Variants in NRG4 observed in about 807,000 individuals in gnomAD.
NRG4 encodes pro-neuregulin-4, membrane-bound isoform.
NRG4 carries 10 observed loss-of-function variants against 15.0 expected under a neutral mutation model. The observed-to-expected ratio is 0.67, with a 90% CI of 0.41 to 1.13. The LOEUF (loss-of-function observed/expected upper bound fraction) is 1.13, where lower values mean the gene tolerates loss of function less well. Ranked by LOEUF, NRG4 falls within the 50% of genes most tolerant of loss-of-function variation. NRG4 has a pLI of 0.00. For synonymous variants in NRG4, 41 were observed against 50.1 expected, an observed-to-expected ratio of 0.82 and a Z score of 0.77; for missense variants, 139 against 140.2, an observed-to-expected ratio of 0.99 and a Z score of 0.04.
chr15:75,941,956 A>AC lies in NRG4; in HGVS notation c.*1681_*1682insG, dbSNP rs1299644531. ...TTAAACCACCAAAAAAAAAAAAAAA[A>AC]AAAAATATGGCCTAGCTTTTTTTTT... On this transcript the variant is annotated 3_prime_UTR_variant, in exon 6 of 6. Transcript: ENST00000394907. 8 of 127,700 alleles carry AC rather than the reference A, an allele frequency of 6.3e-5. No homozygotes were observed. In the South Asian group the frequency reaches 8.2e-4, roughly 13 times the overall value. 7.9% of individuals were successfully genotyped at this position (127,700 alleles called of 1,614,324 possible). A position where few individuals can be genotyped will look rare whatever the true frequency, so the allele number is the denominator to read the frequency against.
intron 5 of NRG4, among the ~76,000 whole-genome samples, chr15:75,946,082 GTAGC>G (rs1186692034): frequency 6.6e-6 from 1 of 152,210 alleles, no homozygotes; most frequent in African/African-American, 2.4e-5. Flanking sequence ...TGGCTACTAA[GTAGC>G]TAATGGGTGG....
chr15:76,034,619 TA>T (rs3073840), intron 5 of NRG4, among the ~76,000 whole-genome samples: 36,909 of 141,300 alleles, frequency 0.26, 4,476 homozygotes, highest in Non-Finnish European at 0.29. Flanking sequence ...TAACCATAGC[TA>T]AAAAAAAAAA....
At chr15:76,013,957 C>A (rs921839735), upstream of NRG4, among the ~76,000 whole-genome samples, 2 of 152,266 alleles carry the variant, frequency 1.3e-5, no homozygotes, top group Admixed American at 1.3e-4. Flanking sequence ...ACACTCCCAC[C>A]AATAGTGTAA....
At chr15:75,938,941 A>G (rs2030657998), downstream of NRG4, 1 of 152,176 alleles carries the variant, frequency 6.6e-6, no homozygotes, top group Non-Finnish European at 1.5e-5. Flanking sequence ...ACCAAAATTT[A>G]TAGGATGCAG....
intron 4 of NRG4, among the ~76,000 whole-genome samples, chr15:76,039,011 C>T (rs535841034): frequency 3.4e-4 from 52 of 152,336 alleles, no homozygotes; most frequent in Middle Eastern, 3.4e-3. Flanking sequence ...ATCACCAAGA[C>T]GGTACTTCTA....
chr15:76,027,254 C>T (rs1360401875), intron 5 of NRG4, among the ~76,000 whole-genome samples: 1 of 151,906 alleles, frequency 6.6e-6, no homozygotes, highest in African/African-American at 2.4e-5. Context: ...TAAACAAAAA[C>T]CAAAAACAAG....
intron 4 of NRG4, among the ~76,000 whole-genome samples, chr15:75,960,273 G>A (rs1304443586): frequency 2.6e-5 from 4 of 152,158 alleles, no homozygotes; most frequent in African/African-American, 9.7e-5. Context: ...TGTTTAGAGG[G>A]ATAGAATAGA....
At chr15:75,936,419 A>AG (rs1192366686), downstream of NRG4, 1 of 152,230 alleles carries the variant, frequency 6.6e-6, no homozygotes, top group East Asian at 1.9e-4. Flanking sequence ...GACCCTATAT[A>AG]GGGAAGAATA....
chr15:76,016,204 A>AT (rs1207462472), upstream of NRG4, among the ~76,000 whole-genome samples: 2 of 151,956 alleles, frequency 1.3e-5, no homozygotes, highest in African/African-American at 4.8e-5. Context: ...CCCCTTTATC[A>AT]TTTTTTATTG....
intron 3 of NRG4, among the ~76,000 whole-genome samples, chr15:75,998,314 A>G (rs1410416890): frequency 6.6e-6 from 1 of 152,200 alleles, no homozygotes; most frequent in Non-Finnish European, 1.5e-5. Flanking sequence ...TAAGAGAGGA[A>G]GAGAGGGAAT....
intron 3 of NRG4, among the ~76,000 whole-genome samples, chr15:75,994,540 G>A (rs1357016869): frequency 6.6e-6 from 1 of 152,154 alleles, no homozygotes; most frequent in Non-Finnish European, 1.5e-5. Flanking sequence ...TCTTCAAATA[G>A]TGTTTATACT....
rs1381700693 is a variant in NRG4 at position 76,051,086 on chromosome 15, A to C, written c.-105+981T>G. ...AGTGGCGGGATCTCGGCTCACTGCA[A>C]GCTCCGCCTGCCGGGTTCACGCCAT... is the stretch of plus-strand genomic sequence containing the variant. On this transcript the variant is annotated intron_variant, in intron 4 of 8. Transcript: ENST00000563910. Among the ~76,000 whole-genome samples the C allele has an allele frequency of 7.5e-5, 11 of 147,014 alleles. No homozygotes were observed. In the East Asian group the frequency reaches 2.2e-3, roughly 29 times the overall value.
downstream of NRG4, chr15:75,938,287 TAAAA>T (rs913164492): frequency 3.3e-5 from 5 of 151,524 alleles, no homozygotes; most frequent in African/African-American, 9.7e-5. Context: ...CTTTTAAAAA[TAAAA>T]AAACAATGAA....
chr15:76,041,295 G>A (rs954769185), intron 4 of NRG4, among the ~76,000 whole-genome samples: 2 of 152,194 alleles, frequency 1.3e-5, no homozygotes, highest in East Asian at 3.9e-4. Flanking sequence ...AACGGCAAGA[G>A]TAAGTCCTTG....
intron 4 of NRG4, among the ~76,000 whole-genome samples, chr15:76,046,828 A>G (rs1163051264): frequency 6.6e-6 from 1 of 151,046 alleles, no homozygotes; most frequent in Non-Finnish European, 1.5e-5. Flanking sequence ...CAAGCTAAAA[A>G]GCTTCTGCAC....
chr15:75,955,844 TGGATAGA>T, intron 5 of NRG4, 81 bp downstream of exon 5: 1 of 746,506 alleles, frequency 1.3e-6, no homozygotes. Context: ...CTTTTTTTTC[TGGATAGA>T]TCTAAATACA....
chr15:76,056,323 G>A (rs939043049), intron 2 of NRG4, among the ~76,000 whole-genome samples: 2 of 152,068 alleles, frequency 1.3e-5, no homozygotes, highest in South Asian at 2.1e-4. Flanking sequence ...TGGGTGTGCT[G>A]GCGCATGCCT....
At chr15:76,005,617 G>C (rs2034573457) in intron 3 of NRG4, 1 of 260,538 alleles carries the variant, frequency 3.8e-6, no homozygotes, top group Admixed American at 4.2e-5. Flanking sequence ...GAACCTGGGG[G>C]GTGGAGGTTA....
chr15:75,976,845 G>C (rs892575759), intron 3 of NRG4, among the ~76,000 whole-genome samples: 7 of 152,252 alleles, frequency 4.6e-5, no homozygotes, highest in South Asian at 2.1e-4. Flanking sequence ...TCCCTTAGCA[G>C]AGCTTGAGTG....
Sources: gnomAD v4.1 joint callset for allele counts (sites outside exome capture counted in the v4.1 genomes callset) on GRCh38, gnomAD v4.1.1 for gene constraint, MANE v1.5 for transcripts, NCBI Gene and HGNC (gene_info 2026-07-23, HGNC 2026-07-21) for gene names.